Variants in GRID2 observed in about 807,000 individuals in gnomAD.
GRID2 encodes glutamate receptor ionotropic, delta-2.
GRID2 carries 33 observed loss-of-function variants against 114.8 expected under a neutral mutation model. The ratio of observed to expected loss-of-function variants is 0.29; its 90% CI spans 0.22 to 0.38. The LOEUF is 0.38. GRID2 is among the 10% of genes least tolerant of loss of function. The pLI, the probability that GRID2 is intolerant of heterozygous loss-of-function variation, is 1.00. For missense variants in GRID2, 1,184 were observed against 1,257.7 expected, an observed-to-expected ratio of 0.94 and a Z score of 0.89; for synonymous variants, 505 against 449.9, an observed-to-expected ratio of 1.12 and a Z score of -1.55.
At chr4:92,595,163 T>C (rs911405901) in intron 2 of GRID2, among the ~76,000 whole-genome samples, 1 of 152,026 alleles carries the variant, frequency 6.6e-6, no homozygotes, top group Non-Finnish European at 1.5e-5. Flanking sequence ...GGCAACATTA[T>C]ACTATAAAGT....
chr4:92,519,592 T>C (rs1047377207), intron 1 of GRID2, among the ~76,000 whole-genome samples: 15 of 148,756 alleles, frequency 1.0e-4, no homozygotes, highest in African/African-American at 3.8e-4. Flanking sequence ...ATATATCTTA[T>C]ATATGAGATT....
chr4:93,500,860 A>G (rs185600513), intron 12 of GRID2, among the ~76,000 whole-genome samples: 193 of 152,122 alleles, frequency 1.3e-3, no homozygotes, highest in Non-Finnish European at 2.2e-3. Flanking sequence ...CTCATAATAC[A>G]CAGCTCAAAT....
intron 1 of GRID2, among the ~76,000 whole-genome samples, chr4:92,323,612 G>A (rs980238944): frequency 6.6e-6 from 1 of 151,964 alleles, no homozygotes; most frequent in African/African-American, 2.4e-5. Context: ...GGCATCCCAG[G>A]TTTTTTGTGG....
intron 1 of GRID2, among the ~76,000 whole-genome samples, chr4:92,498,320 T>C (rs565227887): frequency 6.6e-6 from 1 of 152,026 alleles, no homozygotes; most frequent in South Asian, 2.1e-4. Flanking sequence ...GGAACTTATT[T>C]AGAAGAAATC....
rs186308603 is a variant in GRID2 at position 92,522,323 on chromosome 4, A to G, written c.89-67808A>G. Among the ~76,000 whole-genome samples the G allele has an allele frequency of 2.1e-3, 317 of 152,080 alleles. 1 individual carries two copies. The highest frequency in any genetic ancestry group is 5.8e-3 in the Admixed American group (89 of 15,218). ...ATTATAGTAAACAGGGAAAAAAAATAACAGGAAAGCAGTACAAAAGATGAA... is the reference window on the plus strand; with the variant it reads ...ATTATAGTAAACAGGGAAAAAAAATGACAGGAAAGCAGTACAAAAGATGAA... On this transcript the variant is annotated intron_variant, in intron 1 of 15. Transcript: ENST00000282020.
At chr4:93,118,990 A>G (rs1000902792) in intron 4 of GRID2, among the ~76,000 whole-genome samples, 3 of 152,198 alleles carry the variant, frequency 2.0e-5, no homozygotes, top group African/African-American at 7.2e-5. Context: ...CTCACTTAGC[A>G]TTGTCATGTA....
At chr4:93,377,265 A>G (rs1432462884) in intron 8 of GRID2, among the ~76,000 whole-genome samples, 1 of 152,146 alleles carries the variant, frequency 6.6e-6, no homozygotes, top group Admixed American at 6.6e-5. Context: ...TATACTGAAA[A>G]GTTGAAAAAG....
chr4:92,392,091 A>T (rs184875925), intron 1 of GRID2, among the ~76,000 whole-genome samples: 2 of 152,268 alleles, frequency 1.3e-5, no homozygotes, highest in Non-Finnish European at 2.9e-5. Flanking sequence ...GAATCAGAAG[A>T]TTTACATTGA....
At chr4:93,782,619 C>T (rs1334694038) in intron 1 of GRID2, among the ~76,000 whole-genome samples, 5 of 152,212 alleles carry the variant, frequency 3.3e-5, no homozygotes, top group African/African-American at 1.2e-4. Flanking sequence ...AGAAAGATGA[C>T]TTAGATTTTT....
intron 14 of GRID2, among the ~76,000 whole-genome samples, chr4:93,659,418 A>G (rs1723294228): frequency 6.6e-6 from 1 of 152,204 alleles, no homozygotes; most frequent in African/African-American, 2.4e-5. Flanking sequence ...AATTACTAGT[A>G]TTCTTTCCCA....
chr4:92,499,970 T>C (rs1165549408), intron 1 of GRID2, among the ~76,000 whole-genome samples: 1 of 152,232 alleles, frequency 6.6e-6, no homozygotes, highest in Non-Finnish European at 1.5e-5. Flanking sequence ...ATAATTGATA[T>C]TTTAAATTCA....
At chr4:92,525,764 A>G (rs1725010501) in intron 1 of GRID2, among the ~76,000 whole-genome samples, 1 of 152,100 alleles carries the variant, frequency 6.6e-6, no homozygotes, top group Non-Finnish European at 1.5e-5. Context: ...GCAGGTGAAG[A>G]TGCAGAGACA....
chr4:92,918,825 G>T (rs1749045108), intron 2 of GRID2, among the ~76,000 whole-genome samples: 4 of 152,106 alleles, frequency 2.6e-5, no homozygotes, highest in Admixed American at 2.0e-4. Context: ...TTATTGTTGT[G>T]TCTGTGCCAG....
chr4:93,204,367 C>T (rs1742441967), intron 4 of GRID2, among the ~76,000 whole-genome samples: 1 of 152,040 alleles, frequency 6.6e-6, no homozygotes, highest in Non-Finnish European at 1.5e-5. Flanking sequence ...TTAGTACTTG[C>T]CTATGGTGAA....
chr4:93,351,496 T>A (rs554596842), intron 8 of GRID2, among the ~76,000 whole-genome samples: 1 of 152,136 alleles, frequency 6.6e-6, no homozygotes, highest in African/African-American at 2.4e-5. Context: ...ACATTTACAA[T>A]TAGAAATACA....
intron 2 of GRID2, among the ~76,000 whole-genome samples, chr4:92,736,654 T>C (rs1367608794): frequency 6.6e-6 from 1 of 152,102 alleles, no homozygotes; most frequent in African/African-American, 2.4e-5. Flanking sequence ...GAGTTCTAAA[T>C]ATTTACTCTT....
At chr4:93,273,370 A>T (rs1048583684) in intron 8 of GRID2, among the ~76,000 whole-genome samples, 1 of 152,330 alleles carries the variant, frequency 6.6e-6, no homozygotes, top group East Asian at 1.9e-4. Context: ...ATTTTTAAAA[A>T]GAAAAATTAT....
chr4:92,449,683 A>C (rs897368786), intron 1 of GRID2, among the ~76,000 whole-genome samples: 3 of 125,962 alleles, frequency 2.4e-5, no homozygotes, highest in African/African-American at 8.9e-5. Context: ...ACTGATATAT[A>C]TATATATATA....
chr4:92,909,814 G>A (rs1432841160), intron 2 of GRID2, among the ~76,000 whole-genome samples: 4 of 151,988 alleles, frequency 2.6e-5, no homozygotes, highest in Admixed American at 6.6e-5. Flanking sequence ...CATGCTCTAT[G>A]TCCTTAAGGA....
Sources: gnomAD v4.1 joint callset for allele counts (sites outside exome capture counted in the v4.1 genomes callset) on GRCh38, gnomAD v4.1.1 for gene constraint, MANE v1.5 for transcripts, NCBI Gene and HGNC (gene_info 2026-07-23, HGNC 2026-07-21) for gene names.